The following GABRB1 variants were observed in gnomAD, a reference collection of about 807,000 sequenced individuals.
The protein encoded by GABRB1 is gamma-aminobutyric acid receptor subunit beta-1.
In GABRB1, 17 loss-of-function variants were observed where a neutral mutation model predicts 51.6. The observed-to-expected ratio is 0.33, with a 90% CI of 0.23 to 0.49. GABRB1 has a LOEUF of 0.49. Ranked by LOEUF, GABRB1 falls within the 20% of genes least tolerant of loss-of-function variation. GABRB1 has a pLI of 0.99. For synonymous variants in GABRB1, 247 were observed against 218.9 expected, an observed-to-expected ratio of 1.13 and a Z score of -1.14; for missense variants, 410 against 600.6, an observed-to-expected ratio of 0.68 and a Z score of 3.32.
rs1034384807 is a variant in GABRB1 at position 47,426,232 on chromosome 4, G to T, written c.*214G>T. On this transcript the variant is annotated 3_prime_UTR_variant, in exon 9 of 9. Coordinates refer to ENST00000295454, the MANE Select transcript of GABRB1 (RefSeq NM_000812.4). ...ATTTTTCCAGTCTACCGTGGTCCAG[G>T]TTATCAGCTCTTTAAGAGCTCTATT... The T allele has an allele frequency of 2.5e-6, 1 of 401,796 alleles. No individual in the cohort carries two copies. The highest frequency in any genetic ancestry group is 4.4e-6 in the Non-Finnish European group (1 of 226,714). 24.9% of individuals were successfully genotyped at this position (401,796 alleles called of 1,614,324 possible).
At position 47,372,130 on chromosome 4, in the gene GABRB1, G is replaced by T. The variant is rs531272152; in HGVS notation, c.545-31188G>T. 3.3e-5 allele frequency among the ~76,000 whole-genome samples: 5 copies of T among 152,268 alleles called. 1 individual carries two copies. Among genetic ancestry groups the T allele is most frequent in the African/African-American group, 9.6e-5 (4 of 41,544 alleles). On this transcript the variant is annotated intron_variant, in intron 5 of 8. Transcript: ENST00000295454. The stretch of plus-strand genomic sequence containing the variant: ...ATTTTTGCATAAGGTGTAACAAAGG[G>T]ATCCAGTTTGAATTTTCTGCATATG...
intron 3 of GABRB1, among the ~76,000 whole-genome samples, chr4:47,067,647 T>C (rs539120014): frequency 1.3e-5 from 2 of 152,112 alleles, no homozygotes; most frequent in African/African-American, 4.8e-5. Flanking sequence ...ATTATTGTTA[T>C]TGTTATTATT....
rs538286785 is a variant in GABRB1 at position 47,199,104 on chromosome 4, G to A, written c.461+37635G>A. ...CAAACCATATCAATTTCGAAGCAAC[G>A]TGTTGGAGGCGGGGCCTGGTTTCTC... On this transcript the variant is annotated intron_variant, in intron 4 of 8. Coordinates refer to ENST00000295454, the MANE Select transcript of GABRB1 (RefSeq NM_000812.4). 1.8e-3 allele frequency among the ~76,000 whole-genome samples: 269 copies of A among 152,268 alleles called. 2 individuals are homozygous for A. Among genetic ancestry groups the A allele is most frequent in the African/African-American group, 6.1e-3 (252 of 41,550 alleles).
intron 3 of GABRB1, among the ~76,000 whole-genome samples, chr4:47,140,768 T>G (rs1200933933): frequency 6.6e-6 from 1 of 151,456 alleles, no homozygotes; most frequent in African/African-American, 2.4e-5. Context: ...TTTTTGTTTT[T>G]TTTTTTTCCT....
chr4:47,001,129 T>C (rs767794400), intron 1 of GABRB1, among the ~76,000 whole-genome samples: 13 of 151,844 alleles, frequency 8.6e-5, no homozygotes, highest in Non-Finnish European at 1.9e-4. Flanking sequence ...TTTAATTTAA[T>C]TTTAGTTTTT....
chr4:47,147,820 G>A (rs1717241127), intron 3 of GABRB1, among the ~76,000 whole-genome samples: 1 of 152,054 alleles, frequency 6.6e-6, no homozygotes, highest in Non-Finnish European at 1.5e-5. Context: ...GACCAAGGTG[G>A]CTGGATAATA....
chr4:47,099,110 G>A (rs1714604790), intron 3 of GABRB1, among the ~76,000 whole-genome samples: 1 of 152,038 alleles, frequency 6.6e-6, no homozygotes, highest in African/African-American at 2.4e-5. Flanking sequence ...TACATCCATG[G>A]TAAGGAATCT....
intron 3 of GABRB1, among the ~76,000 whole-genome samples, chr4:47,150,122 C>T (rs1236534500): frequency 1.3e-5 from 2 of 151,136 alleles, no homozygotes; most frequent in Non-Finnish European, 2.9e-5. Flanking sequence ...AACATGGCAT[C>T]GTACAAAGAA....
chr4:47,295,666 C>T (rs1347533827), intron 4 of GABRB1, among the ~76,000 whole-genome samples: 2 of 152,168 alleles, frequency 1.3e-5, no homozygotes, highest in Admixed American at 6.5e-5. Context: ...AGAATGGAAC[C>T]AAGTTAGAAA....
intron 5 of GABRB1, among the ~76,000 whole-genome samples, chr4:47,332,980 C>G (rs1384157603): frequency 6.6e-6 from 1 of 150,864 alleles, no homozygotes; most frequent in Non-Finnish European, 1.5e-5. Context: ...ACCAATGGAC[C>G]CTGCCTTACA....
intron 3 of GABRB1, among the ~76,000 whole-genome samples, chr4:47,065,273 G>A (rs757133183): frequency 7.2e-5 from 11 of 152,320 alleles, no homozygotes; most frequent in Admixed American, 2.0e-4. Context: ...TAAAAACAAT[G>A]TTTCATCTCT....
At chr4:47,118,757 T>A (rs891069174) in intron 3 of GABRB1, among the ~76,000 whole-genome samples, 1 of 152,112 alleles carries the variant, frequency 6.6e-6, no homozygotes, top group Non-Finnish European at 1.5e-5. Context: ...TATCTCTCAA[T>A]ACCTCCAGAA....
chr4:47,416,745 C>T (rs966647134), intron 8 of GABRB1, among the ~76,000 whole-genome samples: 3 of 152,078 alleles, frequency 2.0e-5, no homozygotes, highest in East Asian at 1.9e-4. Flanking sequence ...AGCCACTGCA[C>T]CCAGCCTGTT....
intron 5 of GABRB1, among the ~76,000 whole-genome samples, chr4:47,391,675 T>A (rs1045887636): frequency 1.3e-5 from 2 of 152,218 alleles, no homozygotes; most frequent in African/African-American, 4.8e-5. Flanking sequence ...TCTGTGAAGG[T>A]GTCCTTCATC....
Position 47,426,294 on chromosome 4 carries a change from T to C in GABRB1, c.*276T>C. ...TTACAAACAAACACAAAGAGAGAAGTTAGACAGGTAGATCTTTAGCAGTCT... is the reference window on the plus strand; with the variant it reads ...TTACAAACAAACACAAAGAGAGAAGCTAGACAGGTAGATCTTTAGCAGTCT... On this transcript the variant is annotated 3_prime_UTR_variant, in exon 9 of 9. Coordinates refer to ENST00000295454, the MANE Select transcript of GABRB1 (RefSeq NM_000812.4). 3.8e-6 allele frequency: 1 copy of C among 262,166 alleles called. No individual in the cohort carries two copies. Among genetic ancestry groups the C allele is most frequent in the Non-Finnish European group, 7.2e-6 (1 of 139,776 alleles). The allele number at this position is 262,166 out of a possible 1,614,324, so 16.2% of individuals were successfully genotyped here.
chr4:47,206,894 A>T (rs192189650), intron 4 of GABRB1, among the ~76,000 whole-genome samples: 4 of 151,748 alleles, frequency 2.6e-5, no homozygotes, highest in East Asian at 1.9e-4. Context: ...ATATATATGT[A>T]TATGTGTGTG....
chr4:47,051,125 C>G (rs1295974892), intron 3 of GABRB1, among the ~76,000 whole-genome samples: 2 of 152,100 alleles, frequency 1.3e-5, no homozygotes, highest in African/African-American at 4.8e-5. Context: ...TTGGGCTACT[C>G]CTTCTAACTC....
intron 4 of GABRB1, among the ~76,000 whole-genome samples, chr4:47,184,189 T>C (rs1199328921): frequency 6.6e-6 from 1 of 151,932 alleles, no homozygotes; most frequent in African/African-American, 2.4e-5. Context: ...GAAATCATTC[T>C]TTCTGTCTAT....
At chr4:47,055,868 C>T (rs1159268713) in intron 3 of GABRB1, among the ~76,000 whole-genome samples, 2 of 152,126 alleles carry the variant, frequency 1.3e-5, no homozygotes, top group Non-Finnish European at 2.9e-5. Flanking sequence ...ATTTTTTAAT[C>T]ATATTTAGTC....
Sources: gnomAD v4.1 joint callset for allele counts (sites outside exome capture counted in the v4.1 genomes callset) on GRCh38, gnomAD v4.1.1 for gene constraint, MANE v1.5 for transcripts, NCBI Gene and HGNC (gene_info 2026-07-23, HGNC 2026-07-21) for gene names.